CNTNAP2: variants seen among roughly 807,000 people sequenced by gnomAD.
The protein encoded by CNTNAP2 is contactin-associated protein-like 2.
CNTNAP2 carries 98 observed loss-of-function variants against 155.2 expected under a neutral mutation model. That is an observed-to-expected ratio of 0.63 (90% confidence interval 0.54 to 0.75). The LOEUF (loss-of-function observed/expected upper bound fraction) is 0.75, where lower values mean the gene tolerates loss of function less well. Ranked by LOEUF, CNTNAP2 falls within the 30% of genes least tolerant of loss-of-function variation. The pLI is 0.00. For synonymous variants in CNTNAP2, 651 were observed against 631.2 expected, an observed-to-expected ratio of 1.03 and a Z score of -0.47; for missense variants, 1,727 against 1,688.1, an observed-to-expected ratio of 1.02 and a Z score of -0.40.
At chr7:148,414,037 T>C (rs1799917112) in intron 23 of CNTNAP2, among the ~76,000 whole-genome samples, 1 of 152,182 alleles carries the variant, frequency 6.6e-6, no homozygotes, top group South Asian at 2.1e-4. Flanking sequence ...TTCTGTTTTA[T>C]CTAATCTGTA....
At chr7:148,189,592 G>T (rs1014844201) in intron 18 of CNTNAP2, among the ~76,000 whole-genome samples, 1 of 152,162 alleles carries the variant, frequency 6.6e-6, no homozygotes, top group African/African-American at 2.4e-5. Context: ...GCCATGGGAT[G>T]ATACAACAAG....
At chr7:148,154,735 G>A (rs1805367325) in intron 17 of CNTNAP2, among the ~76,000 whole-genome samples, 1 of 152,108 alleles carries the variant, frequency 6.6e-6, no homozygotes, top group Non-Finnish European at 1.5e-5. Context: ...TCAGGAGTTC[G>A]AGACCAGTCT....
At chr7:147,690,242 C>G (rs1034062586) in intron 13 of CNTNAP2, among the ~76,000 whole-genome samples, 1 of 152,148 alleles carries the variant, frequency 6.6e-6, no homozygotes, top group Non-Finnish European at 1.5e-5. Context: ...CCCTGTCCAC[C>G]AGGCAAACTG....
intron 18 of CNTNAP2, chr7:148,190,722 G>C (rs1795190931): frequency 6.6e-6 from 1 of 152,114 alleles, no homozygotes; most frequent in African/African-American, 2.4e-5. Context: ...GAAGCCGATG[G>C]TGTAGCTCTC....
chr7:148,085,657 A>G (rs2116555056), intron 15 of CNTNAP2, among the ~76,000 whole-genome samples: 1 of 152,180 alleles, frequency 6.6e-6, no homozygotes, highest in Admixed American at 6.5e-5. Flanking sequence ...ATCTTCTATG[A>G]TTAAATATAT....
intron 2 of CNTNAP2, among the ~76,000 whole-genome samples, chr7:146,814,813 AAAAC>A: frequency 6.6e-6 from 1 of 152,198 alleles, no homozygotes; most frequent in South Asian, 2.1e-4. Flanking sequence ...GCTTCAAGAC[AAAAC>A]TTACAGTCAT....
intron 9 of CNTNAP2, among the ~76,000 whole-genome samples, chr7:147,368,013 TCCC>T (rs139772323): frequency 2.5e-5 from 2 of 79,408 alleles, no homozygotes; most frequent in African/African-American, 6.0e-5. Context: ...TCTCTCTCTC[TCCC>T]CCCCCTCCCC....
At chr7:147,016,126 A>T (rs930008145) in intron 3 of CNTNAP2, among the ~76,000 whole-genome samples, 2 of 152,066 alleles carry the variant, frequency 1.3e-5, no homozygotes, top group African/African-American at 4.8e-5. Context: ...AAGCTGTGCG[A>T]CTTTTCAAAA....
intron 3 of CNTNAP2, among the ~76,000 whole-genome samples, chr7:146,906,739 G>C (rs1796137371): frequency 6.6e-6 from 1 of 152,160 alleles, no homozygotes. Context: ...CTAAAACGCA[G>C]AACACCTCTC....
At chr7:148,066,776 G>A (rs542752920) in intron 15 of CNTNAP2, among the ~76,000 whole-genome samples, 1 of 152,206 alleles carries the variant, frequency 6.6e-6, no homozygotes, top group Non-Finnish European at 1.5e-5. Context: ...AGGATTACAG[G>A]CGTGAGCCAC....
intron 1 of CNTNAP2, among the ~76,000 whole-genome samples, chr7:146,264,227 T>C (rs936367886): frequency 4.6e-5 from 7 of 152,074 alleles, no homozygotes; most frequent in African/African-American, 1.7e-4. Context: ...GCAGATCACC[T>C]GAGGTCAGGA....
At chr7:146,970,969 C>A (rs1000371040) in intron 3 of CNTNAP2, among the ~76,000 whole-genome samples, 1 of 151,944 alleles carries the variant, frequency 6.6e-6, no homozygotes, top group Admixed American at 6.6e-5. Flanking sequence ...TAACAAAAAA[C>A]CAAACACTGC....
At chr7:146,930,039 C>T (rs913632197) in intron 3 of CNTNAP2, among the ~76,000 whole-genome samples, 4 of 152,122 alleles carry the variant, frequency 2.6e-5, no homozygotes, top group African/African-American at 7.2e-5. Flanking sequence ...AGGAGAACTT[C>T]CCCAATCTAG....
At chr7:146,469,877 T>C (rs1796770599) in intron 1 of CNTNAP2, among the ~76,000 whole-genome samples, 1 of 149,492 alleles carries the variant, frequency 6.7e-6, no homozygotes, top group Non-Finnish European at 1.5e-5. Flanking sequence ...TCTTACTCTG[T>C]CACCCAGGCT....
At chr7:147,348,851 A>G (rs1795922945) in intron 9 of CNTNAP2, among the ~76,000 whole-genome samples, 2 of 152,038 alleles carry the variant, frequency 1.3e-5, no homozygotes, top group African/African-American at 4.8e-5. Context: ...GGCAAGATGT[A>G]TGGAACTGGA....
intron 21 of CNTNAP2, among the ~76,000 whole-genome samples, chr7:148,351,514 G>C (rs1319189006): frequency 2.6e-5 from 4 of 152,030 alleles, no homozygotes; most frequent in Admixed American, 2.0e-4. Flanking sequence ...GGAGGCCGAG[G>C]TGGGCAGATC....
intron 8 of CNTNAP2, among the ~76,000 whole-genome samples, chr7:147,255,099 T>C (rs1804292154): frequency 6.6e-6 from 1 of 152,132 alleles, no homozygotes; most frequent in Non-Finnish European, 1.5e-5. Context: ...CCAAGTAAAA[T>C]GAGTTCTATT....
intron 15 of CNTNAP2, among the ~76,000 whole-genome samples, chr7:148,003,376 C>A (rs1217448673): frequency 6.6e-6 from 1 of 152,108 alleles, no homozygotes; most frequent in Non-Finnish European, 1.5e-5. Context: ...CCTAAAATCT[C>A]CCTAACCTAA....
intron 4 of CNTNAP2, among the ~76,000 whole-genome samples, chr7:147,079,930 G>C (rs1800086470): frequency 6.7e-6 from 1 of 150,240 alleles, no homozygotes; most frequent in African/African-American, 2.4e-5. Flanking sequence ...CTGAGACTCA[G>C]AAAAGTGCTC....
Sources: allele counts gnomAD v4.1 joint callset (sites outside exome capture counted in the v4.1 genomes callset), GRCh38; gene constraint gnomAD v4.1.1; transcripts MANE v1.5; gene names NCBI Gene and HGNC (gene_info 2026-07-23, HGNC 2026-07-21).